The following PARD3B variants were observed in gnomAD, a reference collection of about 807,000 sequenced individuals.
The protein encoded by PARD3B is par-3 family cell polarity regulator beta.
Under a neutral mutation model 130.2 loss-of-function variants are expected in PARD3B, and 103 were observed. The ratio of observed to expected loss-of-function variants is 0.79; its 90% CI spans 0.67 to 0.93. PARD3B has a LOEUF of 0.93. Among genes scored for constraint, PARD3B ranks in the 40% least tolerant of loss-of-function variants. PARD3B has a pLI of 0.00. For missense variants in PARD3B, 1,609 were observed against 1,499.2 expected, an observed-to-expected ratio of 1.07 and a Z score of -1.21; for synonymous variants, 583 against 553.2, an observed-to-expected ratio of 1.05 and a Z score of -0.76.
chr2:204,890,549 G>A lies in PARD3B; in HGVS notation c.223-74603G>A, dbSNP rs564829885. Among the ~76,000 whole-genome samples, 1 of 152,062 alleles carries A rather than the reference G, an allele frequency of 6.6e-6. No homozygotes were observed. The highest frequency in any genetic ancestry group is 2.4e-5 in the African/African-American group (1 of 41,404). ...TGTTAATGGATTTTCCTTGTTTTGG[G>A]TACCATCATTGATTTCCACCTCCCC... On this transcript the variant is annotated intron_variant, in intron 2 of 22. Transcript: ENST00000406610. This position sits in a 1 kb window ranked among gnomAD's most constrained non-coding sequence, Gnocchi z 4.9.
At chr2:204,598,140 T>C (rs1288184294) in intron 1 of PARD3B, among the ~76,000 whole-genome samples, 1 of 152,162 alleles carries the variant, frequency 6.6e-6, no homozygotes, top group African/African-American at 2.4e-5. Context: ...TTTGTTTCCA[T>C]CCTGAAGTTG....
At chr2:205,401,829 T>C (rs1250557842) in intron 19 of PARD3B, among the ~76,000 whole-genome samples, 1 of 152,198 alleles carries the variant, frequency 6.6e-6, no homozygotes, top group African/African-American at 2.4e-5. Flanking sequence ...TTCTTTGCCT[T>C]CACAACTAAA....
rs200045667 is a variant in PARD3B, at chr2:205,416,402, CTG to C, written c.2741+15283_2741+15284del. Among the ~76,000 whole-genome samples, 700 of 152,164 alleles carry C rather than the reference CTG, an allele frequency of 4.6e-3. 8 individuals are homozygous for C. The highest frequency in any genetic ancestry group is 0.016 in the African/African-American group (647 of 41,496). ...TGATTACATACTACCTGTTTTCATGCTGTGTATAAAAGGATACCAGTGAAGAG... is the reference window on the plus strand; with the variant it reads ...TGATTACATACTACCTGTTTTCATGCTGTATAAAAGGATACCAGTGAAGAG... On this transcript the variant is annotated intron_variant, in intron 19 of 22. Transcript: ENST00000406610.
chr2:204,893,896 A>T (rs2046541983), intron 2 of PARD3B, among the ~76,000 whole-genome samples: 2 of 152,200 alleles, frequency 1.3e-5, no homozygotes, highest in Admixed American at 6.6e-5. Context: ...AATTCAAAGT[A>T]TATATTCATA....
chr2:204,643,176 A>C (rs1023232765), intron 1 of PARD3B, among the ~76,000 whole-genome samples: 2 of 138,452 alleles, frequency 1.4e-5, no homozygotes, highest in Non-Finnish European at 1.5e-5. Flanking sequence ...CTCCTGCTCC[A>C]CCATGTAAAG....
intron 15 of PARD3B, among the ~76,000 whole-genome samples, chr2:205,206,675 A>T (rs905380473): frequency 2.6e-5 from 4 of 152,042 alleles, no homozygotes; most frequent in African/African-American, 9.7e-5. Context: ...CGCAATAAAC[A>T]TACGTGTGCA....
chr2:205,109,584 CAT>C (rs1338920516), intron 5 of PARD3B, among the ~76,000 whole-genome samples: 3 of 149,938 alleles, frequency 2.0e-5, no homozygotes, highest in Non-Finnish European at 4.4e-5. Context: ...GTATGTGTAA[CAT>C]ATATGTGTTA....
intron 15 of PARD3B, among the ~76,000 whole-genome samples, chr2:205,227,774 C>A (rs2038636073): frequency 6.6e-6 from 1 of 151,880 alleles, no homozygotes; most frequent in Non-Finnish European, 1.5e-5. Context: ...TTCATTCCTT[C>A]CTATCTTACT....
rs775380618 is a variant in PARD3B, at chr2:204,973,125, G to A, written c.394+7802G>A. 1.2e-4 allele frequency among the ~76,000 whole-genome samples: 18 copies of A among 152,196 alleles called. No homozygotes were observed. The South Asian group carries it at 1.7e-3, about 14-fold the overall frequency. ...CTCCCTTGCAGCCAGTCCCCAGCTCGCTCTCTTCTGTTTCAGGCACTCTGA... is the reference window on the plus strand; with the variant it reads ...CTCCCTTGCAGCCAGTCCCCAGCTCACTCTCTTCTGTTTCAGGCACTCTGA... On this transcript the variant is annotated intron_variant, in intron 3 of 22. Coordinates refer to ENST00000406610, the MANE Select transcript of PARD3B (RefSeq NM_001302769.2).
intron 3 of PARD3B, among the ~76,000 whole-genome samples, chr2:204,966,802 T>A (rs902710476): frequency 6.6e-5 from 10 of 152,220 alleles, no homozygotes; most frequent in African/African-American, 2.2e-4. Context: ...CCATATGATT[T>A]TTGATAAGTC....
chr2:205,185,693 A>G (rs1574322421), intron 13 of PARD3B, 71 bp from the exon 14 acceptor site: 1 of 1,323,104 alleles, frequency 7.6e-7, no homozygotes. Context: ...TGAGAGAGAT[A>G]CTGAAACCAA....
intron 2 of PARD3B, among the ~76,000 whole-genome samples, chr2:204,694,916 A>G (rs2037538474): frequency 6.6e-6 from 1 of 152,066 alleles, no homozygotes; most frequent in Middle Eastern, 3.2e-3. Flanking sequence ...AGGTTTCATC[A>G]GAGGTTGGAA....
rs903119109 is a variant in PARD3B, at chr2:205,121,649, C to G, written c.865C>G (p.Pro289Ala). 2 of 1,614,030 alleles carry G rather than the reference C, an allele frequency of 1.2e-6. No homozygotes were observed. Among genetic ancestry groups the G allele is most frequent in the Non-Finnish European group, 1.7e-6 (2 of 1,180,012 alleles). ...KSPSVLLHVL[P>A]PQNREQYEKS... ...TCCAAGTGTGCTCCTCCACGTGCTT[C>G]CTCCACAAAACCGTGAACAGTATGA... Residue 289 changes from proline (P) to alanine (A), a missense_variant, in exon 8 of 23, where the codon CCT becomes GCT. Coordinates refer to ENST00000406610, the MANE Select transcript of PARD3B (RefSeq NM_001302769.2). The surrounding 1 kb of genome is among the most constrained non-coding windows in gnomAD (Gnocchi z 5.0).
At chr2:205,219,648 A>C (rs12694021) in intron 15 of PARD3B, among the ~76,000 whole-genome samples, 82,787 of 151,980 alleles carry the variant, frequency 0.54, 22,807 homozygotes, top group Admixed American at 0.66. Flanking sequence ...AAATTAATTC[A>C]TGCAAGAATA....
intron 2 of PARD3B, among the ~76,000 whole-genome samples, chr2:204,859,489 G>C (rs1373151268): frequency 6.6e-6 from 1 of 152,140 alleles, no homozygotes; most frequent in African/African-American, 2.4e-5. Flanking sequence ...GGTGTACATT[G>C]CTATCTGTAA....
chr2:204,615,748 A>G (rs1390270882), intron 1 of PARD3B, among the ~76,000 whole-genome samples: 1 of 152,172 alleles, frequency 6.6e-6, no homozygotes, highest in Non-Finnish European at 1.5e-5. Context: ...ATGCTGTTCC[A>G]TGAAAAAACT....
At chr2:204,945,401 T>C (rs1365617815) in intron 2 of PARD3B, among the ~76,000 whole-genome samples, 1 of 152,162 alleles carries the variant, frequency 6.6e-6, no homozygotes, top group African/African-American at 2.4e-5. Context: ...GCTCGGGTAG[T>C]TTTATTGCTA....
At chr2:205,502,367 C>T (rs1419292630) in intron 21 of PARD3B, among the ~76,000 whole-genome samples, 2 of 152,118 alleles carry the variant, frequency 1.3e-5, no homozygotes, top group South Asian at 2.1e-4. Context: ...AATCAGATCA[C>T]AGTCGCGTGA....
chr2:204,602,796 C>CTT (rs1047756914), intron 1 of PARD3B, among the ~76,000 whole-genome samples: 2 of 152,164 alleles, frequency 1.3e-5, no homozygotes, highest in East Asian at 3.9e-4. Context: ...TGTTGATACT[C>CTT]TAAGTGTCTC....
Sources: allele counts gnomAD v4.1 joint callset (sites outside exome capture counted in the v4.1 genomes callset), GRCh38; gene constraint gnomAD v4.1.1; non-coding constraint Gnocchi (gnomAD v3.1); transcripts MANE v1.5; gene names NCBI Gene and HGNC (gene_info 2026-07-23, HGNC 2026-07-21).